SLC4A7: variants seen among roughly 807,000 people sequenced by gnomAD.
SLC4A7 encodes sodium bicarbonate cotransporter 3.
SLC4A7 carries 51 observed loss-of-function variants against 137.6 expected under a neutral mutation model. That is an observed-to-expected ratio of 0.37 (90% CI 0.30 to 0.47). The LOEUF is 0.47. Ranked by LOEUF, SLC4A7 falls within the 20% of genes least tolerant of loss-of-function variation. The pLI is 1.00. For missense variants in SLC4A7, 1,247 were observed against 1,525.4 expected, an observed-to-expected ratio of 0.82 and a Z score of 3.04; for synonymous variants, 542 against 518.6, an observed-to-expected ratio of 1.05 and a Z score of -0.61.
intron 13 of SLC4A7, among the ~76,000 whole-genome samples, chr3:27,408,726 C>A (rs2053624251): frequency 6.6e-6 from 1 of 152,136 alleles, no homozygotes; most frequent in African/African-American, 2.4e-5. Flanking sequence ...GCTCTGAATA[C>A]AGTATAACCA....
intron 5 of SLC4A7, among the ~76,000 whole-genome samples, chr3:27,436,173 C>CTGT (rs2056725860): frequency 6.6e-6 from 1 of 152,206 alleles, no homozygotes; most frequent in Non-Finnish European, 1.5e-5. Context: ...ACAGAACAGA[C>CTGT]TCTGTATTCG....
chr3:27,400,527 T>C (rs1272048841), intron 16 of SLC4A7, among the ~76,000 whole-genome samples: 1 of 152,220 alleles, frequency 6.6e-6, no homozygotes, highest in African/African-American at 2.4e-5. Context: ...TGTTCATATC[T>C]TGGAAGTCAA....
intron 15 of SLC4A7, among the ~76,000 whole-genome samples, chr3:27,401,790 A>T (rs546716190): frequency 6.6e-6 from 1 of 152,366 alleles, no homozygotes; most frequent in African/African-American, 2.4e-5. Flanking sequence ...AGAAGGAAAC[A>T]CTGCTCTAAC....
In SLC4A7 at chr3:27,411,763, A is replaced by G; in HGVS notation, c.1660-15T>C. 1 of 1,422,844 alleles carries G rather than the reference A, an allele frequency of 7.0e-7. No homozygotes were observed. Among genetic ancestry groups the G allele is most frequent in the Non-Finnish European group, 9.5e-7 (1 of 1,048,840 alleles). 88.1% of individuals were successfully genotyped at this position (1,422,844 alleles called of 1,614,324 possible). Reference sequence around the variant, plus strand: ...TTTCTCTTTTCCTGAATTTCACAAAAAACATTATTTTCAGAATTCTATTTT... The same window carrying G: ...TTTCTCTTTTCCTGAATTTCACAAAGAACATTATTTTCAGAATTCTATTTT... On this transcript the variant is annotated splice_polypyrimidine_tract_variant and intron_variant, in intron 11 of 25. Transcript: ENST00000454389.
chr3:27,478,063 G>A (rs2059539611), intron 1 of SLC4A7, among the ~76,000 whole-genome samples: 1 of 152,112 alleles, frequency 6.6e-6, no homozygotes, highest in Admixed American at 6.5e-5. Flanking sequence ...TTCCAAATTG[G>A]GAAATCTGAC....
rs2049651887 is a variant in SLC4A7 at position 27,372,869 on chromosome 3, A to C, written c.*3895T>G. ...GGCTTATACTTCATATAAATGAAAA[A>C]TATCAGTTCTACAATTTAAATGTTT... On this transcript the variant is annotated 3_prime_UTR_variant, in exon 26 of 26. Coordinates refer to ENST00000454389, the MANE Select transcript of SLC4A7 (RefSeq NM_001321103.2). 1 of 152,630 alleles carries C rather than the reference A, an allele frequency of 6.6e-6. No homozygotes were observed. The allele number at this position is 152,630 out of a possible 1,614,324, so 9.5% of individuals were successfully genotyped here.
intron 4 of SLC4A7, 22 bp downstream of exon 4, chr3:27,437,362 AAGAG>A (rs754205257): frequency 5.4e-6 from 8 of 1,476,450 alleles, no homozygotes; most frequent in Middle Eastern, 2.2e-4. Flanking sequence ...AAAAAAAAAA[AAGAG>A]AGAGAGACTT....
At chr3:27,391,213 T>C (rs939962097) in intron 21 of SLC4A7, among the ~76,000 whole-genome samples, 1 of 152,188 alleles carries the variant, frequency 6.6e-6, no homozygotes, top group Non-Finnish European at 1.5e-5. Context: ...AACAAAATAA[T>C]GAAACCACTG....
chr3:27,400,596 C>T (rs189933600), intron 16 of SLC4A7, among the ~76,000 whole-genome samples, 168 bp downstream of exon 16: 26 of 152,234 alleles, frequency 1.7e-4, no homozygotes, highest in African/African-American at 4.3e-4. Context: ...CACTTTCGAG[C>T]GCATGATACA....
At chr3:27,402,758 T>TA (rs1447237290) in intron 15 of SLC4A7, among the ~76,000 whole-genome samples, 1 of 142,056 alleles carries the variant, frequency 7.0e-6, no homozygotes, top group African/African-American at 3.1e-5. Context: ...GAAAAATATA[T>TA]AAAAAAAAGT....
chr3:27,473,657 G>A (rs963352807), intron 1 of SLC4A7, among the ~76,000 whole-genome samples: 4 of 135,874 alleles, frequency 2.9e-5, no homozygotes, highest in African/African-American at 5.6e-5. Flanking sequence ...GTAGTGAGCC[G>A]AGATCATATC....
At chr3:27,420,427 A>C (rs939109384) in intron 10 of SLC4A7, among the ~76,000 whole-genome samples, 2 of 152,118 alleles carry the variant, frequency 1.3e-5, no homozygotes, top group Admixed American at 1.3e-4. Flanking sequence ...AGGATAAAAA[A>C]AATCCCAAAA....
At chr3:27,442,130 C>T (rs1177118757) in intron 3 of SLC4A7, among the ~76,000 whole-genome samples, 1 of 152,076 alleles carries the variant, frequency 6.6e-6, no homozygotes, top group Non-Finnish European at 1.5e-5. Flanking sequence ...AGGTGATCTG[C>T]CTGCCTCAGC....
intron 11 of SLC4A7, among the ~76,000 whole-genome samples, chr3:27,413,758 G>A (rs1158609854): frequency 6.6e-6 from 1 of 152,038 alleles, no homozygotes; most frequent in Non-Finnish European, 1.5e-5. Flanking sequence ...TTACTTAATG[G>A]GAGAAATACT....
chr3:27,413,198 T>C (rs1251705902), intron 11 of SLC4A7, among the ~76,000 whole-genome samples: 1 of 152,104 alleles, frequency 6.6e-6, no homozygotes, highest in African/African-American at 2.4e-5. Context: ...ACTGGTAATA[T>C]ACTAGGAAAA....
chr3:27,385,908 T>C lies in SLC4A7; in HGVS notation c.3476A>G (p.Lys1159Arg), dbSNP rs929470061. 6 of 1,559,020 alleles carry C rather than the reference T, an allele frequency of 3.8e-6. No homozygotes were observed. Among genetic ancestry groups the C allele is most frequent in the Non-Finnish European group, 5.3e-6 (6 of 1,139,820 alleles). Residue 1159 changes from lysine (K) to arginine (R), a missense_variant, in exon 23 of 26, where the codon AAG becomes AGG. This residue lies in a region of SLC4A7 where 290 missense variants were observed against 323.8 expected (regional missense o/e 0.90). Coordinates refer to ENST00000454389, the MANE Select transcript of SLC4A7 (RefSeq NM_001321103.2). ...TCTTTTTACCTCTTTCTCTTTTTTC[T>C]TTTTGTCATCTTCTTTCTTTTTCTT... Reference protein sequence around the residue: ...ESKKKKEDDKKKKEKEEAERM... With the variant: ...ESKKKKEDDKRKKEKEEAERM...
intron 21 of SLC4A7, among the ~76,000 whole-genome samples, chr3:27,391,247 G>A (rs568079338): frequency 2.0e-5 from 3 of 152,078 alleles, no homozygotes; most frequent in Non-Finnish European, 4.4e-5. Context: ...TCTTCAATAA[G>A]TCCTTCTATT....
intron 1 of SLC4A7, among the ~76,000 whole-genome samples, chr3:27,459,208 G>C (rs538664696): frequency 2.4e-4 from 36 of 152,188 alleles, no homozygotes; most frequent in African/African-American, 8.2e-4. Context: ...AAAAGAAGAA[G>C]AAACTAGGTG....
rs961736368 is a variant in SLC4A7 at position 27,389,895 on chromosome 3, T to C, written c.3360+36A>G. 5.3e-6 allele frequency: 8 copies of C among 1,501,912 alleles called. No individual in the cohort carries two copies. The African/African-American group carries it at 9.7e-5, about 18-fold the overall frequency. 93.0% of individuals were successfully genotyped at this position (1,501,912 alleles called of 1,614,324 possible). A position where few individuals can be genotyped will look rare whatever the true frequency, so the allele number is the denominator to read the frequency against. The stretch of plus-strand genomic sequence containing the variant: ...ATAAAAAATTACTGTAAACATATTA[T>C]TAATTAGTGACAAAATAAGTCTGAA... On this transcript the variant is annotated intron_variant, in intron 22 of 25. Coordinates refer to ENST00000454389, the MANE Select transcript of SLC4A7 (RefSeq NM_001321103.2).
Sources: allele counts gnomAD v4.1 joint callset (sites outside exome capture counted in the v4.1 genomes callset), GRCh38; gene constraint gnomAD v4.1.1; regional missense constraint gnomAD v4.1.1; transcripts MANE v1.5; gene names NCBI Gene and HGNC (gene_info 2026-07-23, HGNC 2026-07-21).